Variants in AP1G1 observed in about 807,000 individuals in gnomAD.
AP1G1 encodes AP-1 complex subunit gamma-1.
In AP1G1, 7 loss-of-function variants were observed where a neutral mutation model predicts 108.3. That is an observed-to-expected ratio of 0.06 (90% CI 0.04 to 0.12). The LOEUF is 0.12. AP1G1 is among the 10% of genes least tolerant of loss of function. The pLI is 1.00. For missense variants in AP1G1, 756 were observed against 1,010.7 expected (o/e 0.75, Z 3.42); for synonymous variants, 379 against 353.5 (o/e 1.07, Z -0.81).
chr16:71,790,638 G>A (rs2032366111), intron 1 of AP1G1, among the ~76,000 whole-genome samples: 1 of 152,034 alleles, frequency 6.6e-6, no homozygotes, highest in Admixed American at 6.6e-5. Context: ...ATAGGAGCAA[G>A]ATAGTCTTTC....
intron 15 of AP1G1, 122 bp downstream of exon 15, chr16:71,749,772 T>C: frequency 2.5e-6 from 2 of 789,294 alleles, no homozygotes; most frequent in Non-Finnish European, 2.2e-6. Context: ...ATTATAGGCA[T>C]GAGCCACCAC....
intron 2 of AP1G1, among the ~76,000 whole-genome samples, chr16:71,787,205 G>A (rs1302737916): frequency 1.3e-5 from 2 of 151,622 alleles, no homozygotes; most frequent in Non-Finnish European, 2.9e-5. Flanking sequence ...TGTAGTCCCA[G>A]CTACTCGGGA....
intron 2 of AP1G1, among the ~76,000 whole-genome samples, chr16:71,787,087 G>A (rs958148172): frequency 6.6e-5 from 10 of 151,814 alleles, no homozygotes; most frequent in African/African-American, 2.2e-4. Flanking sequence ...TTAGGAGGCC[G>A]AGACAGACAG....
At chr16:71,760,114 T>G (rs2031005799) in intron 10 of AP1G1, among the ~76,000 whole-genome samples, 1 of 151,898 alleles carries the variant, frequency 6.6e-6, no homozygotes, top group Non-Finnish European at 1.5e-5. Context: ...CAAGCGTTCC[T>G]CCCACCTTAG....
At position 71,765,772 on chromosome 16, in the gene AP1G1, G is replaced by C. The variant is rs935244122; in HGVS notation, c.643-188C>G. 1.3e-5 allele frequency: 7 copies of C among 520,316 alleles called. 1 individual carries two copies. The highest frequency in any genetic ancestry group is 1.2e-4 in the African/African-American group (6 of 51,638). The allele number at this position is 520,316 out of a possible 1,614,324, so 32.2% of individuals were successfully genotyped here. On this transcript the variant is annotated intron_variant, in intron 6 of 22. Coordinates refer to ENST00000299980, the MANE Select transcript of AP1G1 (RefSeq NM_001128.6). ...AACTTAGGGCAATATTCAAGAAGTA[G>C]TATGTATTTTATCTGGATAAAACCA...
chr16:71,744,472 T>G (rs1384280700), intron 19 of AP1G1, among the ~76,000 whole-genome samples: 1 of 151,528 alleles, frequency 6.6e-6, no homozygotes, highest in Non-Finnish European at 1.5e-5. Context: ...TACTGAAAAC[T>G]AACCATTAGT....
At chr16:71,738,884 A>G (rs1003726626) in intron 21 of AP1G1, 58 bp downstream of exon 21, 20 of 1,507,806 alleles carry the variant, frequency 1.3e-5, no homozygotes, top group Non-Finnish European at 1.7e-5. Flanking sequence ...AACACATGAA[A>G]AAAAAAAGCC....
At chr16:71,766,813 T>G (rs1182083338) in intron 6 of AP1G1, among the ~76,000 whole-genome samples, 1 of 152,190 alleles carries the variant, frequency 6.6e-6, no homozygotes, top group African/African-American at 2.4e-5. Context: ...TTTAAATAAG[T>G]TGAGCCATAA....
chr16:71,747,326 G>C (rs977092431), intron 16 of AP1G1: 2 of 152,102 alleles, frequency 1.3e-5, no homozygotes, highest in Non-Finnish European at 2.9e-5. Flanking sequence ...ATTAAGACTT[G>C]TCAAAATATA....
intron 11 of AP1G1, chr16:71,758,344 A>G (rs2030907110): frequency 2.0e-6 from 1 of 488,172 alleles, no homozygotes; most frequent in Non-Finnish European, 4.1e-6. Flanking sequence ...ATTTCAGGAT[A>G]CACTGTTCTA....
chr16:71,773,598 T>C (rs1257903395), intron 3 of AP1G1, among the ~76,000 whole-genome samples: 2 of 152,130 alleles, frequency 1.3e-5, no homozygotes, highest in African/African-American at 2.4e-5. Context: ...GCAGTGGAAG[T>C]TGAAAAACAT....
At chr16:71,773,717 T>C (rs1205607576) in intron 3 of AP1G1, among the ~76,000 whole-genome samples, 1 of 152,044 alleles carries the variant, frequency 6.6e-6, no homozygotes. Context: ...CCGAGGCAAG[T>C]GGATCACCTG....
intron 6 of AP1G1, chr16:71,766,340 T>C: frequency 2.6e-6 from 1 of 384,884 alleles, no homozygotes; most frequent in Non-Finnish European, 5.4e-6. Context: ...ATCAGGAATT[T>C]CCTTCCTATC....
rs577683724 is a variant in AP1G1 at position 71,738,443 on chromosome 16, G to A, written c.2268+499C>T. Among the ~76,000 whole-genome samples, 3 of 152,176 alleles carry A rather than the reference G, an allele frequency of 2.0e-5. No individual in the cohort carries two copies. In the East Asian group the frequency reaches 5.8e-4, roughly 29 times the overall value. ...AACCAAACCTTGATTCACAAAAACAGTTACTGTATCTATAATAAATTGGAT... is the reference window on the plus strand; with the variant it reads ...AACCAAACCTTGATTCACAAAAACAATTACTGTATCTATAATAAATTGGAT... On this transcript the variant is annotated intron_variant, in intron 21 of 22. Coordinates refer to ENST00000299980, the MANE Select transcript of AP1G1 (RefSeq NM_001128.6).
chr16:71,734,533 G>GA, intron 22 of AP1G1, 76 bp downstream of exon 22: 2 of 1,268,806 alleles, frequency 1.6e-6, no homozygotes, highest in Non-Finnish European at 2.3e-6. Flanking sequence ...AAAACCTAAA[G>GA]AAACAAAGCA....
chr16:71,757,261 G>A (rs966624535), intron 11 of AP1G1, among the ~76,000 whole-genome samples: 1 of 152,048 alleles, frequency 6.6e-6, no homozygotes, highest in Admixed American at 6.5e-5. Flanking sequence ...GACCAACCTA[G>A]CCAATACGGC....
chr16:71,795,957 C>T (rs1278288853), intron 1 of AP1G1, among the ~76,000 whole-genome samples: 1 of 152,198 alleles, frequency 6.6e-6, no homozygotes, highest in African/African-American at 2.4e-5. Flanking sequence ...TGGGGATAGG[C>T]CAGGCGTGGT....
chr16:71,802,541 C>G (rs532416083), intron 1 of AP1G1, among the ~76,000 whole-genome samples: 176 of 152,146 alleles, frequency 1.2e-3, no homozygotes, highest in African/African-American at 4.0e-3. Context: ...ACCAGCCTGT[C>G]CAACATGGTG....
At chr16:71,801,164 G>A (rs1483716549) in intron 1 of AP1G1, among the ~76,000 whole-genome samples, 1 of 152,080 alleles carries the variant, frequency 6.6e-6, no homozygotes, top group East Asian at 1.9e-4. Flanking sequence ...AAAATTATCT[G>A]GGTGTGGTGG....
Sources: allele counts gnomAD v4.1 joint callset (sites outside exome capture counted in the v4.1 genomes callset), GRCh38; gene constraint gnomAD v4.1.1; transcripts MANE v1.5; gene names NCBI Gene and HGNC (gene_info 2026-07-23, HGNC 2026-07-21).